Variants in CUX2 observed in about 807,000 individuals in gnomAD.
The protein encoded by CUX2 is cut like homeobox 2.
A neutral mutation model predicts 144.8 loss-of-function variants in CUX2; 40 were observed. The observed-to-expected ratio is 0.28, with a 90% CI of 0.21 to 0.36. CUX2 has a LOEUF of 0.36. Ranked by LOEUF, CUX2 falls within the 10% of genes least tolerant of loss-of-function variation. The probability of loss-of-function intolerance (pLI) is 1.00; values close to 1 mark genes in which losing one functional copy is unlikely to be tolerated. For missense variants in CUX2, 1,615 were observed against 1,994.0 expected (o/e 0.81, Z 3.62); for synonymous variants, 827 against 875.6 (o/e 0.94, Z 0.98).
At chr12:111,124,635 C>A (rs1029544960) in intron 1 of CUX2, among the ~76,000 whole-genome samples, 1 of 151,792 alleles carries the variant, frequency 6.6e-6, no homozygotes, top group Non-Finnish European at 1.5e-5. Flanking sequence ...TTCTTTTTTT[C>A]TTTTTCTTTT....
intron 3 of CUX2, among the ~76,000 whole-genome samples, chr12:111,258,891 T>C (rs1883967696): frequency 6.6e-6 from 1 of 152,120 alleles, no homozygotes; most frequent in African/African-American, 2.4e-5. Context: ...AAACAGGGTC[T>C]TTTTCTGTTG....
chr12:111,248,244 G>A (rs1039103818), intron 3 of CUX2, among the ~76,000 whole-genome samples: 1 of 152,150 alleles, frequency 6.6e-6, no homozygotes, highest in South Asian at 2.1e-4. Flanking sequence ...ACCCCAGCTG[G>A]GTCCCGATGT....
At chr12:111,164,302 A>G (rs1985097) in intron 1 of CUX2, among the ~76,000 whole-genome samples, 47,146 of 151,980 alleles carry the variant, frequency 0.31, 10,832 homozygotes, top group African/African-American at 0.63. Flanking sequence ...GGGGCGGGAC[A>G]TGGTGGCTCA....
intron 3 of CUX2, among the ~76,000 whole-genome samples, chr12:111,249,849 C>T (rs1883480638): frequency 6.6e-6 from 1 of 152,130 alleles, no homozygotes; most frequent in Non-Finnish European, 1.5e-5. Context: ...TCTTCCCCCA[C>T]CCCAATTCCC....
chr12:111,210,269 G>A (rs560164963), intron 1 of CUX2, among the ~76,000 whole-genome samples: 3 of 152,286 alleles, frequency 2.0e-5, no homozygotes, highest in South Asian at 4.2e-4. Flanking sequence ...GACCCGTGCC[G>A]ATGCTGTCAT....
intron 1 of CUX2, among the ~76,000 whole-genome samples, chr12:111,185,571 G>A (rs1214808585): frequency 6.6e-6 from 1 of 152,232 alleles, no homozygotes; most frequent in Non-Finnish European, 1.5e-5. Context: ...GTTTCTGGCT[G>A]TGCTAGGCCC....
rs1393142026 is a variant in CUX2 at position 111,322,385 on chromosome 12, G to A, written c.2767-36G>A. 3 of 1,523,918 alleles carry A rather than the reference G, an allele frequency of 2.0e-6. No individual in the cohort carries two copies. Among genetic ancestry groups the A allele is most frequent in the Non-Finnish European group, 2.6e-6 (3 of 1,133,592 alleles). The allele number at this position is 1,523,918 out of a possible 1,614,324, so 94.4% of individuals were successfully genotyped here. A position where few individuals can be genotyped will look rare whatever the true frequency, so the allele number is the denominator to read the frequency against. Reference sequence around the variant, plus strand: ...TGAGGGCCAGGCCCATGTCCCAGGGGCCTGCTGACCTACCCCCCTGGCCCG... The same window carrying A: ...TGAGGGCCAGGCCCATGTCCCAGGGACCTGCTGACCTACCCCCCTGGCCCG... On this transcript the variant is annotated intron_variant, in intron 17 of 21. Transcript: ENST00000261726. The surrounding 1 kb of genome is among the most constrained non-coding windows in gnomAD (Gnocchi z 4.2).
At chr12:111,262,601 AC>A (rs879305079) in intron 3 of CUX2, among the ~76,000 whole-genome samples, 14 of 152,010 alleles carry the variant, frequency 9.2e-5, no homozygotes, top group Non-Finnish European at 1.6e-4. Context: ...CTGGTTTCGA[AC>A]TCCTGAGCTC....
At chr12:111,315,924 A>G (rs912119058) in intron 16 of CUX2, among the ~76,000 whole-genome samples, 37 of 152,210 alleles carry the variant, frequency 2.4e-4, no homozygotes, top group African/African-American at 8.7e-4. Flanking sequence ...ACACTTCCAC[A>G]TATCGAGTAT....
At chr12:111,086,105 A>C (rs1872198714) in intron 1 of CUX2, among the ~76,000 whole-genome samples, 3 of 152,102 alleles carry the variant, frequency 2.0e-5, no homozygotes, top group Admixed American at 2.0e-4. Context: ...GATTGAGGCC[A>C]CTCTGATGAT....
At chr12:111,156,979 T>G (rs1175753423) in intron 1 of CUX2, among the ~76,000 whole-genome samples, 3 of 80,202 alleles carry the variant, frequency 3.7e-5, no homozygotes, top group African/African-American at 7.5e-5. Flanking sequence ...AGAGCAAAAC[T>G]TCTCTCAAAA....
At chr12:111,065,510 A>AT (rs1440932483) in intron 1 of CUX2, among the ~76,000 whole-genome samples, 1 of 152,068 alleles carries the variant, frequency 6.6e-6, no homozygotes, top group Admixed American at 6.5e-5. Flanking sequence ...TAGTTTTTGT[A>AT]TTTTTAGTAG....
At chr12:111,235,440 C>T (rs4766561) in intron 3 of CUX2, among the ~76,000 whole-genome samples, 35,055 of 151,780 alleles carry the variant, frequency 0.23, 5,175 homozygotes, top group East Asian at 0.57. Context: ...ATGAGACGAG[C>T]GGCCAGGCAC....
At chr12:111,218,333 G>A (rs1274001415) in intron 3 of CUX2, among the ~76,000 whole-genome samples, 1 of 152,000 alleles carries the variant, frequency 6.6e-6, no homozygotes, top group Admixed American at 6.6e-5. Context: ...AGGCAGCATA[G>A]CAAGACCCCC....
chr12:111,299,450 A>G (rs1886176294), intron 9 of CUX2, among the ~76,000 whole-genome samples: 1 of 152,088 alleles, frequency 6.6e-6, no homozygotes, highest in South Asian at 2.1e-4. Flanking sequence ...AGACTTGGAT[A>G]AAAGGGCTGA....
At chr12:111,199,924 G>T (rs147419195) in intron 1 of CUX2, among the ~76,000 whole-genome samples, 1 of 152,056 alleles carries the variant, frequency 6.6e-6, no homozygotes, top group South Asian at 2.1e-4. Context: ...GAAAAAGCCC[G>T]CAGGAAGGCT....
rs376339374 is a variant in CUX2 at position 111,098,166 on chromosome 12, G to A, written c.63+63926G>A. Among the ~76,000 whole-genome samples, 44 of 152,256 alleles carry A rather than the reference G, an allele frequency of 2.9e-4. No individual in the cohort carries two copies. In the East Asian group the frequency reaches 5.4e-3, roughly 19 times the overall value. The stretch of plus-strand genomic sequence containing the variant: ...CTGTAATACCACCACTTGGGAGGCC[G>A]AGGCAAGTGGATCACTTGAGGTCAG... On this transcript the variant is annotated intron_variant, in intron 1 of 21. Transcript: ENST00000261726.
chr12:111,329,856 C>T (rs997513377), intron 18 of CUX2, among the ~76,000 whole-genome samples: 2 of 152,104 alleles, frequency 1.3e-5, no homozygotes, highest in African/African-American at 2.4e-5. Context: ...AGGCTGGTCT[C>T]GAACCCCTGA....
intron 1 of CUX2, among the ~76,000 whole-genome samples, chr12:111,146,339 T>G (rs773324317): frequency 3.3e-5 from 5 of 152,226 alleles, no homozygotes; most frequent in Non-Finnish European, 7.4e-5. Flanking sequence ...GTATTCCACC[T>G]ACTTATCCCT....
Sources: gnomAD v4.1 joint callset for allele counts (sites outside exome capture counted in the v4.1 genomes callset) on GRCh38, gnomAD v4.1.1 for gene constraint, Gnocchi (gnomAD v3.1) non-coding constraint, MANE v1.5 for transcripts, NCBI Gene and HGNC (gene_info 2026-07-23, HGNC 2026-07-21) for gene names.